The following ALG9 variants were observed in gnomAD, a reference collection of about 807,000 sequenced individuals.
ALG9 encodes ALG9 alpha-1,2-mannosyltransferase.
Under a neutral mutation model 81.8 loss-of-function variants are expected in ALG9, and 55 were observed. The observed-to-expected ratio is 0.67, with a 90% confidence interval of 0.54 to 0.84. ALG9 has a LOEUF of 0.84. ALG9 is among the 40% of genes least tolerant of loss of function. The pLI, the probability that ALG9 is intolerant of heterozygous loss-of-function variation, is 0.00. For synonymous variants in ALG9, 278 were observed against 274.3 expected (o/e 1.01, Z -0.13); for missense variants, 629 against 745.0 (o/e 0.84, Z 1.81).
chr11:111,811,379 C>T (rs1334740716), intron 13 of ALG9, among the ~76,000 whole-genome samples: 1 of 151,960 alleles, frequency 6.6e-6, no homozygotes, highest in African/African-American at 2.4e-5. Flanking sequence ...CCCATCTCTA[C>T]TAAAAATACA....
rs1555119612 is a variant in ALG9, at chr11:111,838,257, A to G, written c.1316T>C (p.Leu439Pro). The G allele has an allele frequency of 1.9e-6, 3 of 1,614,168 alleles. No homozygotes were observed. The highest frequency in any genetic ancestry group is 2.5e-6 in the Non-Finnish European group (3 of 1,180,000). ...GLLSFSRSVA[L>P]FRGYHGPLDL... ...ATTCTTAGAAGATCTACCTCTGAAC[A>G]GTGCCACAGAGCGAGAAAATGACAA... Residue 439 changes from leucine to proline, a missense_variant, in exon 11 of 15, where the codon CTG becomes CCG. Leu to Pro is a moderately conservative substitution (Grantham distance 98, BLOSUM62 -3). This residue lies in a region of ALG9 where 264 missense variants were observed against 302.2 expected (regional missense o/e 0.87). Transcript: ENST00000616540.
chr11:111,797,213 A>C (rs544926351), intron 14 of ALG9, among the ~76,000 whole-genome samples: 5 of 152,346 alleles, frequency 3.3e-5, no homozygotes, highest in Non-Finnish European at 5.9e-5. Flanking sequence ...GCTGCCAACA[A>C]ACAGAATGAG....
At chr11:111,803,757 T>C (rs1192384803) in intron 14 of ALG9, among the ~76,000 whole-genome samples, 6 of 151,946 alleles carry the variant, frequency 3.9e-5, no homozygotes, top group Non-Finnish European at 5.9e-5. Context: ...TGCATCCTCA[T>C]GCAAAAAAAA....
chr11:111,792,050 T>A (rs1947511764), intron 14 of ALG9, among the ~76,000 whole-genome samples: 1 of 152,204 alleles, frequency 6.6e-6, no homozygotes, highest in African/African-American at 2.4e-5. Flanking sequence ...GCCACTGCAC[T>A]CCAGCCTGGG....
chr11:111,776,581 C>A, the ALG9 span, among the ~76,000 whole-genome samples: 1 of 152,134 alleles, frequency 6.6e-6, no homozygotes, highest in African/African-American at 2.4e-5. Flanking sequence ...GAGCGAGACT[C>A]TATCTCAAAA....
intron 14 of ALG9, among the ~76,000 whole-genome samples, chr11:111,804,853 C>G (rs1331760854): frequency 6.6e-6 from 1 of 152,224 alleles, no homozygotes; most frequent in Non-Finnish European, 1.5e-5. Flanking sequence ...TCATTCATTG[C>G]TGGTACGAAC....
chr11:111,817,061 G>T (rs1033304628), intron 13 of ALG9, among the ~76,000 whole-genome samples: 1 of 152,190 alleles, frequency 6.6e-6, no homozygotes, highest in Non-Finnish European at 1.5e-5. Flanking sequence ...GGTTGACAGG[G>T]GGAAGAGGAA....
At chr11:111,838,153 G>C (rs991445728) in intron 11 of ALG9, 96 bp downstream of exon 11, 2 of 1,462,272 alleles carry the variant, frequency 1.4e-6, no homozygotes, top group East Asian at 4.6e-5. Flanking sequence ...TGGCTTCTTA[G>C]TATAAGCCAA....
intron 13 of ALG9, among the ~76,000 whole-genome samples, 167 bp downstream of exon 13, chr11:111,835,998 G>A (rs994357648): frequency 5.9e-5 from 9 of 152,048 alleles, no homozygotes; most frequent in Admixed American, 2.6e-4. Flanking sequence ...CAATTATCCC[G>A]CCCGTCTCCC....
At chr11:111,819,624 A>G (rs942452809) in intron 13 of ALG9, among the ~76,000 whole-genome samples, 1 of 152,270 alleles carries the variant, frequency 6.6e-6, no homozygotes, top group African/African-American at 2.4e-5. Context: ...AGCAGCCACA[A>G]TGGCTGACAT....
At position 111,809,788 on chromosome 11, in the gene ALG9, G is replaced by A. The variant is rs528698657; in HGVS notation, c.1603-15C>T. ...CTGATATCAATCTGAAATGGAGAAA[G>A]GCCAACTCTTCATTAGTAATTTTGA... is the stretch of plus-strand genomic sequence containing the variant. On this transcript the variant is annotated splice_polypyrimidine_tract_variant and intron_variant, in intron 13 of 14. Transcript: ENST00000616540. The A allele has an allele frequency of 1.7e-5, 28 of 1,613,634 alleles. No homozygotes were observed. Among genetic ancestry groups the A allele is most frequent in the South Asian group, 1.5e-4 (14 of 91,068 alleles).
At chr11:111,869,851 G>T (rs1247519573) in intron 2 of ALG9, among the ~76,000 whole-genome samples, 4 of 151,796 alleles carry the variant, frequency 2.6e-5, no homozygotes, top group African/African-American at 9.7e-5. Flanking sequence ...TCGCTCTGTT[G>T]CCCAGGCTGG....
In ALG9 at chr11:111,837,340, C is replaced by T. The variant is rs375733832; in HGVS notation, c.1472+128G>A. The T allele has an allele frequency of 4.3e-5, 48 of 1,107,536 alleles. No homozygotes were observed. The African/African-American group carries it at 5.3e-4, about 12-fold the overall frequency. 68.6% of individuals were successfully genotyped at this position (1,107,536 alleles called of 1,614,324 possible). On this transcript the variant is annotated intron_variant, in intron 12 of 14. Transcript: ENST00000616540. ...ACAGTACACAGGCCCCACAGCTCTCCGACGTGGTAGATAATTCAATAACTC... is the reference window on the plus strand; with the variant it reads ...ACAGTACACAGGCCCCACAGCTCTCTGACGTGGTAGATAATTCAATAACTC...
chr11:111,860,498 T>A, intron 5 of ALG9, 49 bp downstream of exon 5: 1 of 1,514,132 alleles, frequency 6.6e-7, no homozygotes, highest in Non-Finnish European at 9.2e-7. Flanking sequence ...TCTGCCCTTT[T>A]ACTTACCTGG....
chr11:111,814,126 G>A (rs1232904207), intron 13 of ALG9, among the ~76,000 whole-genome samples: 2 of 152,022 alleles, frequency 1.3e-5, no homozygotes, highest in Non-Finnish European at 2.9e-5. Flanking sequence ...AAAAACACCC[G>A]TCAACAGTAA....
chr11:111,869,129 T>C (rs1173804717), intron 2 of ALG9, among the ~76,000 whole-genome samples: 2 of 152,132 alleles, frequency 1.3e-5, no homozygotes, highest in Admixed American at 6.6e-5. Flanking sequence ...AAAAAAGGAA[T>C]CAAAATGATA....
intron 13 of ALG9, among the ~76,000 whole-genome samples, chr11:111,830,431 TA>T (rs1389989464): frequency 6.6e-6 from 1 of 152,212 alleles, no homozygotes; most frequent in Non-Finnish European, 1.5e-5. Context: ...CATTGCACTG[TA>T]AAAATCTAAA....
At chr11:111,803,046 T>C (rs1949369792) in intron 14 of ALG9, among the ~76,000 whole-genome samples, 1 of 152,200 alleles carries the variant, frequency 6.6e-6, no homozygotes, top group Non-Finnish European at 1.5e-5. Context: ...TGGATAGGAA[T>C]GACTCAATAT....
intron 13 of ALG9, among the ~76,000 whole-genome samples, chr11:111,824,883 C>A (rs573044172): frequency 6.6e-6 from 1 of 152,264 alleles, no homozygotes; most frequent in South Asian, 2.1e-4. Flanking sequence ...AATTAGTTTC[C>A]ATAAATGACC....
Sources: gnomAD v4.1 joint callset for allele counts (sites outside exome capture counted in the v4.1 genomes callset) on GRCh38, gnomAD v4.1.1 for gene constraint, gnomAD v4.1.1 regional missense constraint, MANE v1.5 for transcripts, NCBI Gene and HGNC (gene_info 2026-07-23, HGNC 2026-07-21) for gene names.